RNF216: variants seen among roughly 807,000 people sequenced by gnomAD.
RNF216 encodes the protein ring finger protein 216.
RNF216 carries 72 observed loss-of-function variants against 110.8 expected under a neutral mutation model. That is an observed-to-expected ratio of 0.65 (90% CI 0.54 to 0.79). The LOEUF (loss-of-function observed/expected upper bound fraction) is 0.79, where lower values mean the gene tolerates loss of function less well. RNF216 is among the 30% of genes least tolerant of loss of function. The pLI is 0.00. For synonymous variants in RNF216, 495 were observed against 407.5 expected, an observed-to-expected ratio of 1.21 and a Z score of -2.59; for missense variants, 1,342 against 1,141.2, an observed-to-expected ratio of 1.18 and a Z score of -2.54.
chr7:5,716,630 T>C (rs1168435234), intron 10 of RNF216, 86 bp downstream of exon 10: 9 of 1,124,468 alleles, frequency 8.0e-6, no homozygotes, highest in African/African-American at 3.1e-5. Context: ...AAAAACAAAT[T>C]TGCCATCAAA....
Position 5,624,166 on chromosome 7 carries a change from T to C in RNF216, c.2383-41A>G, listed in dbSNP as rs373744722. The C allele has an allele frequency of 2.5e-6, 4 of 1,575,454 alleles. No individual in the cohort carries two copies. Among genetic ancestry groups the C allele is most frequent in the South Asian group, 1.1e-5 (1 of 89,458 alleles). On this transcript the variant is annotated intron_variant, in intron 15 of 16. Transcript: ENST00000389902. The surrounding 1 kb of genome is among the most constrained non-coding windows in gnomAD (Gnocchi z 4.4). ...TGAGAAGGATGAACCTGTAGCTTCA[T>C]GCAGTGCTGAGGCCCCGTGGGACAG... is the stretch of plus-strand genomic sequence containing the variant.
intron 13 of RNF216, among the ~76,000 whole-genome samples, chr7:5,676,170 C>A (rs752502518): frequency 6.6e-6 from 1 of 151,680 alleles, no homozygotes; most frequent in Non-Finnish European, 1.5e-5. Context: ...CCACCAGGCC[C>A]GGCTAATTTT....
chr7:5,779,273 C>A (rs1181895890), intron 1 of RNF216, among the ~76,000 whole-genome samples: 2 of 152,108 alleles, frequency 1.3e-5, no homozygotes, highest in Non-Finnish European at 2.9e-5. Flanking sequence ...TCCACAGGGG[C>A]TTCAGGAGTT....
chr7:5,715,618 T>A (rs1793001241), intron 10 of RNF216, among the ~76,000 whole-genome samples: 1 of 151,996 alleles, frequency 6.6e-6, no homozygotes. Flanking sequence ...TCTATCGAGG[T>A]CTGCGCTTTA....
chr7:5,628,237 CCT>C (rs1478991302), intron 15 of RNF216, among the ~76,000 whole-genome samples: 1 of 152,156 alleles, frequency 6.6e-6, no homozygotes, highest in African/African-American at 2.4e-5. Flanking sequence ...GCCCTTGAGT[CCT>C]GTCTTGGGAG....
At chr7:5,728,392 C>T (rs889231910) in intron 7 of RNF216, among the ~76,000 whole-genome samples, 12 of 151,902 alleles carry the variant, frequency 7.9e-5, no homozygotes, top group African/African-American at 2.4e-5. Flanking sequence ...CCAGCTTGGC[C>T]GAAATGGTGA....
rs1797095430 is a variant in RNF216 at position 5,781,575 on chromosome 7, C to T, written c.-104G>A. 1 of 152,290 alleles carries T rather than the reference C, an allele frequency of 6.6e-6. No homozygotes were observed. Among genetic ancestry groups the T allele is most frequent in the Admixed American group, 6.5e-5 (1 of 15,286 alleles). The allele number at this position is 152,290 out of a possible 1,614,324, so 9.4% of individuals were successfully genotyped here. A position where few individuals can be genotyped will look rare whatever the true frequency, so the allele number is the denominator to read the frequency against. ...AAGTCGCCGGCTAGCCAGGCAGGTT[C>T]GGCGGCCTTCGCTACCGCGCCGCTT... is the stretch of plus-strand genomic sequence containing the variant. On this transcript the variant is annotated 5_prime_UTR_variant, in exon 1 of 17. Transcript: ENST00000389902.
intron 5 of RNF216, among the ~76,000 whole-genome samples, chr7:5,732,720 G>C (rs1437768524): frequency 3.9e-5 from 6 of 152,222 alleles, no homozygotes; most frequent in Non-Finnish European, 7.4e-5. Flanking sequence ...GGTAGCCTCT[G>C]TTCTAATATC....
intron 15 of RNF216, among the ~76,000 whole-genome samples, chr7:5,632,947 C>T (rs1584343815): frequency 1.3e-5 from 2 of 152,076 alleles, no homozygotes; most frequent in African/African-American, 2.4e-5. Flanking sequence ...GAGAGTGAAA[C>T]GGGAGTCTCA....
chr7:5,778,175 G>A (rs1043095397), intron 1 of RNF216, among the ~76,000 whole-genome samples: 1 of 152,172 alleles, frequency 6.6e-6, no homozygotes, highest in Non-Finnish European at 1.5e-5. Context: ...TGACCTTGCT[G>A]ACATAGCGGG....
At chr7:5,717,884 G>C (rs1793163346) in intron 9 of RNF216, among the ~76,000 whole-genome samples, 1 of 152,124 alleles carries the variant, frequency 6.6e-6, no homozygotes, top group Non-Finnish European at 1.5e-5. Flanking sequence ...CCAGGCTCAA[G>C]AGATCCTCCC....
At chr7:5,635,846 T>C (rs1040811770) in intron 15 of RNF216, among the ~76,000 whole-genome samples, 1 of 152,190 alleles carries the variant, frequency 6.6e-6, no homozygotes, top group African/African-American at 2.4e-5. Flanking sequence ...AAAATGAGTG[T>C]CTCTTAACCA....
chr7:5,730,889 G>A (rs118091826), intron 5 of RNF216, 72 bp from the exon 6 acceptor site: 40,602 of 1,577,108 alleles, frequency 0.026, 575 homozygotes, highest in Non-Finnish European at 0.031. Flanking sequence ...CAAATGCAAT[G>A]GTTGAAGAAT....
chr7:5,719,617 C>T (rs761812574), intron 9 of RNF216, among the ~76,000 whole-genome samples: 8 of 152,180 alleles, frequency 5.3e-5, no homozygotes, highest in Non-Finnish European at 1.0e-4. Flanking sequence ...TTTGCCAATA[C>T]TTTAAATACT....
At chr7:5,767,190 T>C (rs1283794698) in intron 1 of RNF216, among the ~76,000 whole-genome samples, 1 of 152,204 alleles carries the variant, frequency 6.6e-6, no homozygotes, top group African/African-American at 2.4e-5. Flanking sequence ...AACACATCTT[T>C]GAAGGCAATG....
chr7:5,689,207 T>C (rs762939163), intron 13 of RNF216, among the ~76,000 whole-genome samples: 6 of 151,912 alleles, frequency 3.9e-5, no homozygotes, highest in African/African-American at 9.7e-5. Context: ...AGGTGGATGC[T>C]TGACGGGGGC....
intron 5 of RNF216, among the ~76,000 whole-genome samples, chr7:5,736,544 C>T (rs1344526106): frequency 2.6e-5 from 4 of 152,194 alleles, no homozygotes; most frequent in African/African-American, 7.2e-5. Flanking sequence ...GCCGCCACCC[C>T]GTCTGGGAAG....
Position 5,715,084 on chromosome 7 carries a change from T to C in RNF216, c.1802A>G (p.Tyr601Cys). 1 of 1,613,844 alleles carries C rather than the reference T, an allele frequency of 6.2e-7. No individual in the cohort carries two copies. The highest frequency in any genetic ancestry group is 8.5e-7 in the Non-Finnish European group (1 of 1,179,980). The change falls in exon 11 of 17, where the codon TAT (tyrosine) becomes TGT (cysteine). Residue 601 changes from tyrosine to cysteine, a missense_variant. Coordinates refer to ENST00000389902, the MANE Select transcript of RNF216 (RefSeq NM_207111.4). ...HLFCKECLIR[Y>C]AQEAVFGSGK... ...AGATCCAAAGACTGCCTCTTGGGCATATCTGATGAGACACTCTTTGCAGAA... is the reference window on the plus strand; with the variant it reads ...AGATCCAAAGACTGCCTCTTGGGCACATCTGATGAGACACTCTTTGCAGAA...
chr7:5,702,145 C>T (rs1171934479), intron 13 of RNF216, among the ~76,000 whole-genome samples: 2 of 152,104 alleles, frequency 1.3e-5, no homozygotes, highest in Non-Finnish European at 2.9e-5. Flanking sequence ...GGCTCTGCCA[C>T]CTGCCGGGGG....
Sources: allele counts gnomAD v4.1 joint callset (sites outside exome capture counted in the v4.1 genomes callset), GRCh38; gene constraint gnomAD v4.1.1; non-coding constraint Gnocchi (gnomAD v3.1); transcripts MANE v1.5; gene names NCBI Gene and HGNC (gene_info 2026-07-23, HGNC 2026-07-21).